Variants in CSMD3 observed in about 807,000 individuals in gnomAD.
CSMD3 encodes CUB and sushi domain-containing protein 3.
Under a neutral mutation model 435.2 loss-of-function variants are expected in CSMD3, and 177 were observed. That is an observed-to-expected ratio of 0.41 (90% CI 0.36 to 0.46). CSMD3 has a LOEUF of 0.46. Among genes scored for constraint, CSMD3 ranks in the 20% least tolerant of loss-of-function variants. The pLI, the probability that CSMD3 is intolerant of heterozygous loss-of-function variation, is 0.34. For missense variants in CSMD3, 4,265 were observed against 4,504.6 expected, an observed-to-expected ratio of 0.95 and a Z score of 1.52; for synonymous variants, 1,656 against 1,520.5, an observed-to-expected ratio of 1.09 and a Z score of -2.07.
In CSMD3 at chr8:112,410,516, A is replaced by G. The variant is rs970141213; in HGVS notation, c.5396-1484T>C. On this transcript the variant is annotated intron_variant, in intron 32 of 70. Coordinates refer to ENST00000297405, the MANE Select transcript of CSMD3 (RefSeq NM_198123.2). ...TCCAAATATATATATATATATATAT[A>G]TATGTATATTTGTTTTCTAATGGAA... is the stretch of plus-strand genomic sequence containing the variant. Among the ~76,000 whole-genome samples the G allele has an allele frequency of 2.1e-5, 3 of 140,574 alleles. No individual in the cohort carries two copies. The South Asian group carries it at 6.5e-4, about 30-fold the overall frequency. The allele number at this position is 140,574 out of a possible 152,430, so 92.2% of individuals were successfully genotyped here.
chr8:112,510,452 C>T (rs1423356393), intron 28 of CSMD3, among the ~76,000 whole-genome samples: 1 of 152,112 alleles, frequency 6.6e-6, no homozygotes, highest in Non-Finnish European at 1.5e-5. Context: ...GTTTCTTCTT[C>T]CTGAAATGCC....
At chr8:112,944,423 T>C (rs945213890) in intron 9 of CSMD3, among the ~76,000 whole-genome samples, 1 of 151,736 alleles carries the variant, frequency 6.6e-6, no homozygotes, top group Non-Finnish European at 1.5e-5. Flanking sequence ...ACCAATAGAT[T>C]TCTCTCTATA....
chr8:112,453,105 A>G (rs1283141780), intron 32 of CSMD3, among the ~76,000 whole-genome samples: 2 of 152,198 alleles, frequency 1.3e-5, no homozygotes, highest in African/African-American at 2.4e-5. Context: ...TTGAACAAGT[A>G]ACTTTATCAA....
intron 32 of CSMD3, among the ~76,000 whole-genome samples, chr8:112,436,248 G>A (rs986394823): frequency 2.3e-4 from 35 of 151,788 alleles, no homozygotes; most frequent in Admixed American, 2.6e-4. Flanking sequence ...AGACATGTGT[G>A]CAACTAATTT....
chr8:113,278,487 G>T, intron 3 of CSMD3, 105 bp downstream of exon 3: 3 of 696,618 alleles, frequency 4.3e-6, no homozygotes, highest in Non-Finnish European at 8.1e-6. Flanking sequence ...GACAAGATTT[G>T]AGACAACATG....
At chr8:113,254,234 T>C (rs774632095) in intron 3 of CSMD3, among the ~76,000 whole-genome samples, 1 of 152,220 alleles carries the variant, frequency 6.6e-6, no homozygotes, top group Non-Finnish European at 1.5e-5. Flanking sequence ...GTTTCCCTTC[T>C]AATGAAAATC....
At chr8:112,826,716 G>T (rs1455372852) in intron 12 of CSMD3, among the ~76,000 whole-genome samples, 2 of 152,114 alleles carry the variant, frequency 1.3e-5, no homozygotes, top group East Asian at 3.9e-4. Flanking sequence ...GCATACTGTT[G>T]TGGTTCTTTT....
chr8:112,884,287 A>G (rs1488613374), intron 10 of CSMD3, among the ~76,000 whole-genome samples: 1 of 151,748 alleles, frequency 6.6e-6, no homozygotes, highest in African/African-American at 2.4e-5. Flanking sequence ...CAACTAACCC[A>G]TTAGTATCAA....
chr8:113,202,459 G>A (rs1422746114), intron 3 of CSMD3, among the ~76,000 whole-genome samples: 1 of 152,046 alleles, frequency 6.6e-6, no homozygotes, highest in Non-Finnish European at 1.5e-5. Flanking sequence ...ACTTGATTAG[G>A]CCTCCAGGGG....
At chr8:112,388,999 T>C (rs903806787) in intron 36 of CSMD3, among the ~76,000 whole-genome samples, 2 of 152,056 alleles carry the variant, frequency 1.3e-5, no homozygotes, top group Admixed American at 1.3e-4. Flanking sequence ...AATATTGGTG[T>C]CCTAGGATCT....
At chr8:112,531,390 CATT>C (rs1279504547) in intron 27 of CSMD3, among the ~76,000 whole-genome samples, 3 of 152,128 alleles carry the variant, frequency 2.0e-5, no homozygotes, top group Non-Finnish European at 2.9e-5. Flanking sequence ...TGATTATGGG[CATT>C]GGGTGAGCCT....
At chr8:112,503,281 C>G (rs1222667956) in intron 30 of CSMD3, among the ~76,000 whole-genome samples, 4 of 152,144 alleles carry the variant, frequency 2.6e-5, no homozygotes, top group Non-Finnish European at 5.9e-5. Context: ...TCTGCTCTCA[C>G]TATGTTTCTT....
chr8:112,830,481 T>A (rs965328853), intron 11 of CSMD3, among the ~76,000 whole-genome samples: 1 of 152,118 alleles, frequency 6.6e-6, no homozygotes, highest in African/African-American at 2.4e-5. Context: ...AATTCAAATT[T>A]AATTAAATTG....
intron 1 of CSMD3, among the ~76,000 whole-genome samples, chr8:113,388,608 T>C (rs1341196318): frequency 6.6e-6 from 1 of 151,508 alleles, no homozygotes. Context: ...GGTAGTTATA[T>C]TGAACTGAAT....
chr8:112,619,002 C>T (rs1050154205), intron 22 of CSMD3, among the ~76,000 whole-genome samples: 5 of 152,034 alleles, frequency 3.3e-5, no homozygotes, highest in Admixed American at 2.0e-4. Flanking sequence ...ACTACCTGTG[C>T]CTCGGCTTCT....
intron 12 of CSMD3, among the ~76,000 whole-genome samples, chr8:112,816,832 T>G (rs930537418): frequency 7.3e-5 from 11 of 151,516 alleles, no homozygotes; most frequent in African/African-American, 2.7e-4. Context: ...AATAAAAAAT[T>G]TATTTATAAA....
intron 64 of CSMD3, among the ~76,000 whole-genome samples, chr8:112,244,775 T>C (rs1268090050): frequency 6.6e-6 from 1 of 152,000 alleles, no homozygotes; most frequent in Non-Finnish European, 1.5e-5. Flanking sequence ...AATCCACCAT[T>C]TGTGGAACAC....
At chr8:113,068,170 TATA>T (rs2088945642) in intron 5 of CSMD3, among the ~76,000 whole-genome samples, 1 of 152,174 alleles carries the variant, frequency 6.6e-6, no homozygotes, top group Non-Finnish European at 1.5e-5. Context: ...GCATTTTTAG[TATA>T]ATAATCTTTA....
intron 3 of CSMD3, among the ~76,000 whole-genome samples, chr8:113,219,534 G>T (rs577402054): frequency 4.9e-4 from 74 of 151,460 alleles, no homozygotes; most frequent in Non-Finnish European, 9.9e-4. Context: ...GATAAAAGTG[G>T]TATCTCAAAT....
Sources: gnomAD v4.1 joint callset for allele counts (sites outside exome capture counted in the v4.1 genomes callset) on GRCh38, gnomAD v4.1.1 for gene constraint, MANE v1.5 for transcripts, NCBI Gene and HGNC (gene_info 2026-07-23, HGNC 2026-07-21) for gene names.